The following ERG variants were observed in gnomAD, a reference collection of about 807,000 sequenced individuals.
ERG encodes ETS transcription factor ERG.
In ERG, 9 loss-of-function variants were observed where a neutral mutation model predicts 55.3. The ratio of observed to expected loss-of-function variants is 0.16; its 90% CI spans 0.10 to 0.28. ERG has a LOEUF of 0.28. Ranked by LOEUF, ERG falls within the 10% of genes least tolerant of loss-of-function variation. ERG has a pLI of 1.00. For missense variants in ERG, 434 were observed against 631.6 expected (o/e 0.69, Z 3.35); for synonymous variants, 223 against 237.3 (o/e 0.94, Z 0.55).
chr21:38,554,573 G>A (rs547772137), intron 2 of ERG, among the ~76,000 whole-genome samples: 7 of 152,114 alleles, frequency 4.6e-5, no homozygotes, highest in African/African-American at 1.4e-4. Flanking sequence ...ACACAGGAGC[G>A]GAAAACCAAA....
intron 1 of ERG, among the ~76,000 whole-genome samples, chr21:38,458,726 G>A (rs578014183): frequency 1.1e-4 from 16 of 152,172 alleles, no homozygotes; most frequent in Admixed American, 1.0e-3. Flanking sequence ...CCGAAGGTGG[G>A]GGTGGTAGCT....
intron 2 of ERG, among the ~76,000 whole-genome samples, chr21:38,542,267 C>T (rs959934163): frequency 2.6e-5 from 4 of 152,166 alleles, no homozygotes; most frequent in African/African-American, 7.2e-5. Context: ...GGATTACAGG[C>T]GTGAGTCACC....
chr21:38,369,462 G>T, the ERG span, among the ~76,000 whole-genome samples: 5,134 of 152,236 alleles, frequency 0.034, 108 homozygotes, highest in Non-Finnish European at 0.049. Flanking sequence ...TTTTACAAGG[G>T]TTGTTTCTTT....
intron 2 of ERG, among the ~76,000 whole-genome samples, chr21:38,508,181 C>G (rs1421166910): frequency 6.6e-6 from 1 of 151,160 alleles, no homozygotes; most frequent in Non-Finnish European, 1.5e-5. Flanking sequence ...TCATCTGCTC[C>G]CCACCCCTCT....
intron 2 of ERG, among the ~76,000 whole-genome samples, chr21:38,506,032 A>G (rs915908266): frequency 7.0e-6 from 1 of 143,870 alleles, no homozygotes; most frequent in African/African-American, 2.6e-5. Flanking sequence ...TTTTTTTTTG[A>G]AAAATTTGGA....
intron 2 of ERG, among the ~76,000 whole-genome samples, chr21:38,425,427 G>C (rs906351949): frequency 1.3e-5 from 2 of 151,714 alleles, no homozygotes; most frequent in African/African-American, 4.8e-5. Context: ...GAGAGAGAAA[G>C]AGAGAGAAAG....
chr21:38,468,979 T>C (rs1160913421), intron 1 of ERG, among the ~76,000 whole-genome samples: 8 of 68,958 alleles, frequency 1.2e-4, no homozygotes, highest in Non-Finnish European at 2.4e-4. Context: ...CCAGACTCTG[T>C]CTCAAAAAAA....
At chr21:38,512,359 T>A (rs1424964762) in intron 2 of ERG, among the ~76,000 whole-genome samples, 3 of 152,262 alleles carry the variant, frequency 2.0e-5, no homozygotes. Flanking sequence ...CATTCGTGTA[T>A]AATGGGAATA....
chr21:38,400,582 G>A lies in ERG; in HGVS notation c.737C>T (p.Thr246Ile). 6.2e-7 allele frequency: 1 copy of A among 1,613,402 alleles called. No individual in the cohort carries two copies. The highest frequency in any genetic ancestry group is 1.1e-5 in the South Asian group (1 of 91,070). Residue 246 changes from threonine (T) to isoleucine (I), a missense_variant, in exon 6 of 10, where the codon ACT becomes ATT. Around this residue, in one of 5 missense-constraint regions of ERG, gnomAD observed 99 missense variants for 145.6 expected, o/e 0.68. Transcript: ENST00000288319. ...VYPEATQRIT[T>I]RPDLPYEPPR... ...CAGGGGTGTTTTCGTACCTGGCCTA[G>A]TTGTAATTCTTTGCGTAGCTTCAGG...
intron 2 of ERG, among the ~76,000 whole-genome samples, chr21:38,512,391 C>T (rs754952876): frequency 2.8e-4 from 42 of 152,228 alleles, no homozygotes; most frequent in Admixed American, 2.6e-4. Flanking sequence ...CCTTTGTCTC[C>T]GCAATTGATA....
intron 2 of ERG, among the ~76,000 whole-genome samples, chr21:38,560,065 TAAGCACTCAGGACAG>T (rs1458200581): frequency 1.3e-5 from 2 of 152,206 alleles, no homozygotes; most frequent in Non-Finnish European, 2.9e-5. Context: ...TGACCCCATC[TAAGCACTCAGGACAG>T]AAGCCATTTT....
chr21:38,649,642 C>T (rs2836595), intron 1 of ERG, among the ~76,000 whole-genome samples: 1 of 152,090 alleles, frequency 6.6e-6, no homozygotes. Context: ...TACTCTGATA[C>T]GAAACTGCAA....
At chr21:38,472,307 G>A (rs1001884683) in intron 1 of ERG, among the ~76,000 whole-genome samples, 1 of 152,160 alleles carries the variant, frequency 6.6e-6, no homozygotes, top group East Asian at 1.9e-4. Context: ...TCTATGCAAT[G>A]GGTGTTACAC....
chr21:38,472,616 C>T (rs1019030375), intron 1 of ERG, among the ~76,000 whole-genome samples: 3 of 152,182 alleles, frequency 2.0e-5, no homozygotes, highest in Non-Finnish European at 4.4e-5. Flanking sequence ...TCACATTGCG[C>T]AGGCCTCCAC....
intron 1 of ERG, among the ~76,000 whole-genome samples, chr21:38,466,210 T>C (rs932498310): frequency 6.6e-6 from 1 of 152,048 alleles, no homozygotes; most frequent in Non-Finnish European, 1.5e-5. Flanking sequence ...ATCAGCATTC[T>C]TGTATGAATG....
At chr21:38,543,420 T>A (rs2059767400) in intron 2 of ERG, among the ~76,000 whole-genome samples, 1 of 151,884 alleles carries the variant, frequency 6.6e-6, no homozygotes, top group South Asian at 2.1e-4. Context: ...CATAGAGCTA[T>A]GTATATGTGT....
At chr21:38,392,475 C>G (rs1479310574) in intron 6 of ERG, 31 bp from the exon 7 acceptor site, 1 of 1,382,716 alleles carries the variant, frequency 7.2e-7, no homozygotes, top group African/African-American at 1.5e-5. Flanking sequence ...ACTAAAAGAT[C>G]AATCATGTAA....
At chr21:38,615,226 C>T (rs1451390667) in intron 1 of ERG, among the ~76,000 whole-genome samples, 1 of 152,180 alleles carries the variant, frequency 6.6e-6, no homozygotes, top group Non-Finnish European at 1.5e-5. Context: ...ATTAAACTGG[C>T]AATACCAGTG....
chr21:38,654,588 A>G (rs2060507770), intron 1 of ERG, among the ~76,000 whole-genome samples: 1 of 152,254 alleles, frequency 6.6e-6, no homozygotes, highest in Admixed American at 6.5e-5. Context: ...AATTTGGGAT[A>G]AATACTAATA....
Sources: allele counts gnomAD v4.1 joint callset (sites outside exome capture counted in the v4.1 genomes callset), GRCh38; gene constraint gnomAD v4.1.1; regional missense constraint gnomAD v4.1.1; transcripts MANE v1.5; gene names NCBI Gene and HGNC (gene_info 2026-07-23, HGNC 2026-07-21).